The following BRINP2 variants were observed in gnomAD, a reference collection of about 807,000 sequenced individuals.
BRINP2 encodes the protein BMP/retinoic acid-inducible neural-specific protein 2.
In BRINP2, 21 loss-of-function variants were observed where a neutral mutation model predicts 69.2. The ratio of observed to expected loss-of-function variants is 0.30; its 90% CI spans 0.22 to 0.44. The LOEUF (loss-of-function observed/expected upper bound fraction) is 0.44. BRINP2 is among the 20% of genes least tolerant of loss of function. The pLI is 1.00. For missense variants in BRINP2, 877 were observed against 986.0 expected (o/e 0.89, Z 1.48); for synonymous variants, 380 against 394.1 (o/e 0.96, Z 0.42).
intron 1 of BRINP2, among the ~76,000 whole-genome samples, chr1:177,220,381 G>C (rs1649490527): frequency 6.6e-6 from 1 of 152,154 alleles, no homozygotes; most frequent in Non-Finnish European, 1.5e-5. Flanking sequence ...TTGGTGATAA[G>C]TGAGCTCTCA....
chr1:177,178,408 C>T (rs1648150297), intron 1 of BRINP2, among the ~76,000 whole-genome samples: 1 of 152,182 alleles, frequency 6.6e-6, no homozygotes, highest in Admixed American at 6.5e-5. Context: ...TCCCGCTTCT[C>T]ACAGCAGCCA....
At chr1:177,265,930 C>A (rs928833269) in intron 4 of BRINP2, among the ~76,000 whole-genome samples, 1 of 151,842 alleles carries the variant, frequency 6.6e-6, no homozygotes, top group Non-Finnish European at 1.5e-5. Flanking sequence ...ACCATCCTGG[C>A]TAATATGGTG....
chr1:177,277,622 C>T (rs1311726887), intron 6 of BRINP2, among the ~76,000 whole-genome samples: 2 of 151,568 alleles, frequency 1.3e-5, no homozygotes, highest in Non-Finnish European at 1.5e-5. Context: ...TGAGCTGAGG[C>T]CCCAGGGGTT....
At chr1:177,198,866 C>A (rs941335667) in intron 1 of BRINP2, among the ~76,000 whole-genome samples, 2 of 152,166 alleles carry the variant, frequency 1.3e-5, no homozygotes, top group Non-Finnish European at 2.9e-5. Context: ...TTCTGAGAGT[C>A]AAAAGAGAGA....
chr1:177,280,365 G>A (rs766603057), intron 7 of BRINP2, 47 bp from the exon 8 acceptor site: 3 of 1,529,392 alleles, frequency 2.0e-6, no homozygotes, highest in African/African-American at 1.4e-5. Flanking sequence ...GGGTGTCAGT[G>A]TGTGACTTCT....
intron 4 of BRINP2, among the ~76,000 whole-genome samples, chr1:177,269,836 G>A (rs533764772): frequency 6.6e-6 from 1 of 152,254 alleles, no homozygotes; most frequent in Admixed American, 6.5e-5. Flanking sequence ...ATCCATCAGG[G>A]CTTTCTCAAG....
rs193041426 is a variant in BRINP2 at position 177,179,735 on chromosome 1, A to G, written c.-77+8003A>G. Among the ~76,000 whole-genome samples, 6 of 152,304 alleles carry G rather than the reference A, an allele frequency of 3.9e-5. No individual in the cohort carries two copies. In the East Asian group the frequency reaches 1.2e-3, roughly 29 times the overall value. The stretch of plus-strand genomic sequence containing the variant: ...AAAGGGCTGGGGACAACCCAGAGGC[A>G]TGAGTAAAAGGGGAAAAGAAAATTA... On this transcript the variant is annotated intron_variant, in intron 1 of 7. Transcript: ENST00000361539.
intron 4 of BRINP2, among the ~76,000 whole-genome samples, chr1:177,272,979 A>C (rs1651375829): frequency 2.0e-5 from 3 of 152,206 alleles, no homozygotes; most frequent in Non-Finnish European, 4.4e-5. Context: ...GATTTTCTCT[A>C]AGGATGTCTC....
At chr1:177,192,532 G>A (rs1040291209) in intron 1 of BRINP2, among the ~76,000 whole-genome samples, 1 of 152,112 alleles carries the variant, frequency 6.6e-6, no homozygotes, top group African/African-American at 2.4e-5. Flanking sequence ...CTGGATCTGT[G>A]CATACATGTT....
chr1:177,281,207 C>T lies in BRINP2; in HGVS notation c.2031C>T (p.Tyr677=), dbSNP rs777331988. The T allele has an allele frequency of 1.2e-6, 2 of 1,614,182 alleles. No individual in the cohort carries two copies. Among genetic ancestry groups the T allele is most frequent in the Admixed American group, 1.7e-5 (1 of 60,026 alleles). ...EMTDPSKNLG[Y]MKINTLQVFG... Reference sequence around the variant, plus strand: ...CTGATCCCTCTAAGAATTTGGGTTACATGAAAATTAACACCTTGCAGGTCT... The same window carrying T: ...CTGATCCCTCTAAGAATTTGGGTTATATGAAAATTAACACCTTGCAGGTCT... The change falls in exon 8 of 8, where the codon TAC becomes TAT. Residue 677 remains tyrosine (Y), a synonymous_variant. Coordinates refer to ENST00000361539, the MANE Select transcript of BRINP2 (RefSeq NM_021165.4).
At chr1:177,178,915 G>C (rs1233961379) in intron 1 of BRINP2, among the ~76,000 whole-genome samples, 5 of 152,256 alleles carry the variant, frequency 3.3e-5, no homozygotes, top group African/African-American at 1.2e-4. Flanking sequence ...GCCGATAATA[G>C]CTAACACCTT....
In BRINP2 at chr1:177,282,326, AAAAAC is replaced by A. The variant is rs1651732196; in HGVS notation, c.*809_*813del. 1 of 152,236 alleles carries A rather than the reference AAAAAC, an allele frequency of 6.6e-6. No individual in the cohort carries two copies. Among genetic ancestry groups the A allele is most frequent in the African/African-American group, 2.4e-5 (1 of 41,464 alleles). The allele number at this position is 152,236 out of a possible 1,614,324, so 9.4% of individuals were successfully genotyped here. A position where few individuals can be genotyped will look rare whatever the true frequency, so the allele number is the denominator to read the frequency against. ...ATGTTCTTTTTTAAAAAAAAATAAC[AAAAAC>A]AAAACAAAACTATTTATTTTGTGAT... On this transcript the variant is annotated 3_prime_UTR_variant, in exon 8 of 8. Coordinates refer to ENST00000361539, the MANE Select transcript of BRINP2 (RefSeq NM_021165.4).
intron 1 of BRINP2, among the ~76,000 whole-genome samples, chr1:177,204,838 C>T (rs999219976): frequency 2.0e-5 from 3 of 152,072 alleles, no homozygotes; most frequent in East Asian, 1.9e-4. Context: ...TTTTTCTAAG[C>T]AGATATACAT....
At chr1:177,191,777 G>T (rs534695045) in intron 1 of BRINP2, among the ~76,000 whole-genome samples, 2 of 152,220 alleles carry the variant, frequency 1.3e-5, no homozygotes, top group Admixed American at 1.3e-4. Flanking sequence ...TCTAAATCTG[G>T]TTCATTTGAT....
intron 2 of BRINP2, among the ~76,000 whole-genome samples, chr1:177,237,128 A>G (rs1440875415): frequency 6.6e-6 from 1 of 152,190 alleles, no homozygotes; most frequent in Non-Finnish European, 1.5e-5. Flanking sequence ...TACTGGTTCA[A>G]ATAAAAATTG....
intron 4 of BRINP2, among the ~76,000 whole-genome samples, chr1:177,266,573 C>A (rs746371985): frequency 6.6e-6 from 1 of 151,822 alleles, no homozygotes. Flanking sequence ...TCCTGGCTAA[C>A]ATGGTGAAAC....
chr1:177,263,517 T>C (rs1455634107), intron 4 of BRINP2, among the ~76,000 whole-genome samples: 1 of 152,132 alleles, frequency 6.6e-6, no homozygotes, highest in Non-Finnish European at 1.5e-5. Flanking sequence ...TGGCCACTGC[T>C]AGAGAAGGCT....
In BRINP2 at chr1:177,230,543, A is replaced by T. The variant is rs114939695; in HGVS notation, c.269+398A>T. 3.3e-3 allele frequency among the ~76,000 whole-genome samples: 506 copies of T among 152,308 alleles called. 2 individuals carry two copies. The highest frequency in any genetic ancestry group is 0.012 in the African/African-American group (485 of 41,570). ...TTAATTTCATGAGTTGTAATTACTTAAACATACAAACAAAGGAAGGGCAGC... is the reference window on the plus strand; with the variant it reads ...TTAATTTCATGAGTTGTAATTACTTTAACATACAAACAAAGGAAGGGCAGC... On this transcript the variant is annotated intron_variant, in intron 2 of 7. Coordinates refer to ENST00000361539, the MANE Select transcript of BRINP2 (RefSeq NM_021165.4).
intron 4 of BRINP2, among the ~76,000 whole-genome samples, chr1:177,272,514 T>C (rs1651359272): frequency 6.6e-6 from 1 of 152,234 alleles, no homozygotes; most frequent in African/African-American, 2.4e-5. Context: ...CTATAGAGTG[T>C]AGGATTCAGA....
Sources: allele counts gnomAD v4.1 joint callset (sites outside exome capture counted in the v4.1 genomes callset), GRCh38; gene constraint gnomAD v4.1.1; transcripts MANE v1.5; gene names NCBI Gene and HGNC (gene_info 2026-07-23, HGNC 2026-07-21).